Variants in NEK7 observed in about 807,000 individuals in gnomAD.
NEK7 encodes the protein serine/threonine-protein kinase Nek7.
In NEK7, 18 loss-of-function variants were observed where a neutral mutation model predicts 44.6. That is an observed-to-expected ratio of 0.40 (90% confidence interval 0.28 to 0.60). NEK7 has a LOEUF of 0.60. NEK7 is among the 20% of genes least tolerant of loss of function. The pLI is 0.38. For missense variants in NEK7, 256 were observed against 366.5 expected (o/e 0.70, Z 2.46); for synonymous variants, 130 against 121.1 (o/e 1.07, Z -0.48).
At position 198,301,162 on chromosome 1, in the gene NEK7, T is replaced by C. The variant is rs1571615477; in HGVS notation, c.798+3922T>C. ...TCAAGCAAAATATATACTTCGTTTCTTTCAATACTTTTTATTTGTTATTAA... is the reference window on the plus strand; with the variant it reads ...TCAAGCAAAATATATACTTCGTTTCCTTCAATACTTTTTATTTGTTATTAA... On this transcript the variant is annotated intron_variant, in intron 9 of 9. Coordinates refer to ENST00000367385, the MANE Select transcript of NEK7 (RefSeq NM_133494.3). 2.6e-5 allele frequency among the ~76,000 whole-genome samples: 4 copies of C among 152,378 alleles called. No individual in the cohort carries two copies. In the South Asian group the frequency reaches 8.3e-4, roughly 32 times the overall value.
At chr1:198,315,576 A>G (rs1655345084) in intron 9 of NEK7, among the ~76,000 whole-genome samples, 1 of 152,202 alleles carries the variant, frequency 6.6e-6, no homozygotes, top group Non-Finnish European at 1.5e-5. Flanking sequence ...AAGACAACTG[A>G]AAGCAAAGCC....
chr1:198,182,517 T>C (rs1176604250), intron 1 of NEK7, among the ~76,000 whole-genome samples: 1 of 152,156 alleles, frequency 6.6e-6, no homozygotes, highest in Non-Finnish European at 1.5e-5. Flanking sequence ...GGTTTTCTGG[T>C]TTGTATTCTT....
At chr1:198,224,197 A>C (rs1236793047) in intron 1 of NEK7, among the ~76,000 whole-genome samples, 1 of 152,176 alleles carries the variant, frequency 6.6e-6, no homozygotes, top group Non-Finnish European at 1.5e-5. Flanking sequence ...GTTTCTTAAG[A>C]TTATAATGAA....
chr1:198,316,928 G>A (rs1035064144), intron 9 of NEK7, among the ~76,000 whole-genome samples: 3 of 152,190 alleles, frequency 2.0e-5, no homozygotes, highest in African/African-American at 7.2e-5. Context: ...GTCTTATCCG[G>A]TGCCATCAAG....
At chr1:198,196,138 TATTA>T (rs1189045709) in intron 1 of NEK7, among the ~76,000 whole-genome samples, 1 of 152,236 alleles carries the variant, frequency 6.6e-6, no homozygotes, top group Non-Finnish European at 1.5e-5. Context: ...AGTTTAATGT[TATTA>T]ATTCTAAAGC....
At chr1:198,195,618 C>T (rs1011280591) in intron 1 of NEK7, among the ~76,000 whole-genome samples, 2 of 152,112 alleles carry the variant, frequency 1.3e-5, no homozygotes, top group South Asian at 2.1e-4. Context: ...GTCAGGTGTT[C>T]GAGACCAGCC....
intron 1 of NEK7, among the ~76,000 whole-genome samples, chr1:198,164,868 ACC>A: frequency 6.6e-6 from 1 of 152,330 alleles, no homozygotes; most frequent in Admixed American, 6.5e-5. Flanking sequence ...ATAGCATTTT[ACC>A]CAAAGTAGAA....
intron 7 of NEK7, among the ~76,000 whole-genome samples, chr1:198,291,096 C>T (rs1485962366): frequency 6.6e-6 from 1 of 152,148 alleles, no homozygotes; most frequent in Non-Finnish European, 1.5e-5. Flanking sequence ...TATCATCAAT[C>T]TTTCACACTC....
chr1:198,212,612 GAC>G (rs1665807521), intron 1 of NEK7, among the ~76,000 whole-genome samples: 1 of 152,192 alleles, frequency 6.6e-6, no homozygotes, highest in Non-Finnish European at 1.5e-5. Context: ...GGACTTGCCT[GAC>G]CCAGCCCACA....
At chr1:198,201,684 T>A (rs1277574952) in intron 1 of NEK7, among the ~76,000 whole-genome samples, 1 of 152,248 alleles carries the variant, frequency 6.6e-6, no homozygotes, top group East Asian at 1.9e-4. Context: ...TGTCCTTATA[T>A]AATTTTTATG....
chr1:198,258,354 G>A (rs1019496281), intron 3 of NEK7, among the ~76,000 whole-genome samples: 1 of 152,132 alleles, frequency 6.6e-6, no homozygotes, highest in African/African-American at 2.4e-5. Flanking sequence ...CAGGAGAATC[G>A]CTTGAACCCG....
chr1:198,193,026 GT>G (rs142940850), intron 1 of NEK7, among the ~76,000 whole-genome samples: 3,618 of 143,756 alleles, frequency 0.025, 59 homozygotes, highest in Middle Eastern at 0.054. Context: ...TCCAGGAGCG[GT>G]TTTTTTTTTT....
rs1654351565 is a variant in NEK7 at position 198,285,852 on chromosome 1, A to G, written c.589+6791A>G. Among the ~76,000 whole-genome samples, 4 of 152,038 alleles carry G rather than the reference A, an allele frequency of 2.6e-5. 1 individual carries two copies. The highest frequency in any genetic ancestry group is 1.3e-4 in the Admixed American group (2 of 15,242). The stretch of plus-strand genomic sequence containing the variant: ...TTTTCTACTTGTTTATTTTTGTGAC[A>G]TATTTGTAGCTATTGCAACCAAAGG... On this transcript the variant is annotated intron_variant, in intron 7 of 9. Coordinates refer to ENST00000367385, the MANE Select transcript of NEK7 (RefSeq NM_133494.3).
rs138493933 is a variant in NEK7 at position 198,272,170 on chromosome 1, A to G, written c.373-5791A>G. ...GAGATTTTAGGAAATTGAACACTTT[A>G]TACCGTGAAATGACCATTATTTAAT... On this transcript the variant is annotated intron_variant, in intron 5 of 9. Transcript: ENST00000367385. 5.7e-3 allele frequency among the ~76,000 whole-genome samples: 860 copies of G among 151,856 alleles called. 6 individuals carry two copies. Among genetic ancestry groups the G allele is most frequent in the African/African-American group, 0.019 (787 of 41,510 alleles).
chr1:198,166,161 C>T (rs185769913), intron 1 of NEK7, among the ~76,000 whole-genome samples: 108 of 152,326 alleles, frequency 7.1e-4, no homozygotes, highest in Non-Finnish European at 1.4e-3. Context: ...CTGTCTCAGC[C>T]GTAAGGCTGT....
At chr1:198,219,120 A>G (rs1443697682) in intron 1 of NEK7, among the ~76,000 whole-genome samples, 2 of 151,878 alleles carry the variant, frequency 1.3e-5, no homozygotes, top group Non-Finnish European at 2.9e-5. Flanking sequence ...TATGTTTATT[A>G]CAGCACAATT....
intron 7 of NEK7, among the ~76,000 whole-genome samples, chr1:198,281,294 T>G (rs1654189333): frequency 6.6e-6 from 1 of 152,094 alleles, no homozygotes; most frequent in Non-Finnish European, 1.5e-5. Context: ...TTAAGTTTTC[T>G]TCTCAGAGTT....
chr1:198,227,331 G>A (rs1345464775), intron 1 of NEK7, among the ~76,000 whole-genome samples: 5 of 152,154 alleles, frequency 3.3e-5, no homozygotes, highest in Admixed American at 6.5e-5. Flanking sequence ...ATAAACATAC[G>A]TGTGCATGTG....
intron 7 of NEK7, among the ~76,000 whole-genome samples, chr1:198,282,039 CAG>C (rs1210493753): frequency 1.1e-4 from 17 of 152,030 alleles, no homozygotes; most frequent in African/African-American, 3.6e-4. Context: ...ATCTTCAAAA[CAG>C]AAAAATATCC....
Sources: allele counts gnomAD v4.1 joint callset (sites outside exome capture counted in the v4.1 genomes callset), GRCh38; gene constraint gnomAD v4.1.1; transcripts MANE v1.5; gene names NCBI Gene and HGNC (gene_info 2026-07-23, HGNC 2026-07-21).